CD59: variants seen among roughly 807,000 people sequenced by gnomAD.
The protein encoded by CD59 is CD59 glycoprotein.
Under a neutral mutation model 7.0 loss-of-function variants are expected in CD59, and 3 were observed. The ratio of observed to expected loss-of-function variants is 0.43; its 90% CI spans 0.19 to 1.10. The LOEUF (loss-of-function observed/expected upper bound fraction) is 1.10, where lower values mean the gene tolerates loss of function less well. Among genes scored for constraint, CD59 ranks in the 50% least tolerant of loss-of-function variants. The pLI is 0.29. For synonymous variants in CD59, 60 were observed against 62.0 expected (o/e 0.97, Z 0.15); for missense variants, 143 against 151.0 (o/e 0.95, Z 0.28).
chr11:33,717,574 T>TA (rs1853857413), intron 2 of CD59, 103 bp from the exon 3 acceptor site: 2 of 734,744 alleles, frequency 2.7e-6, no homozygotes, highest in Non-Finnish European at 5.0e-6. Context: ...CAACTTGTGG[T>TA]ATACTTCCAC....
intron 1 of CD59, chr11:33,723,052 A>G (rs367612073): frequency 1.3e-6 from 1 of 747,722 alleles, no homozygotes; most frequent in Non-Finnish European, 1.6e-6. Flanking sequence ...TGATAGCATC[A>G]GGTGAGAAGA....
chr11:33,728,908 T>A (rs1854334065), intron 1 of CD59, among the ~76,000 whole-genome samples: 1 of 152,178 alleles, frequency 6.6e-6, no homozygotes, highest in Non-Finnish European at 1.5e-5. Context: ...AACAAACTTA[T>A]GAAAAAATGC....
At chr11:33,730,998 C>T (rs950271275) in intron 1 of CD59, among the ~76,000 whole-genome samples, 3 of 152,120 alleles carry the variant, frequency 2.0e-5, no homozygotes, top group Non-Finnish European at 4.4e-5. Context: ...CTCTTCCTTA[C>T]GATTTTCTAA....
At chr11:33,719,042 A>C (rs1047960943) in intron 2 of CD59, 3 of 152,258 alleles carry the variant, frequency 2.0e-5, no homozygotes, top group African/African-American at 7.2e-5. Context: ...AAAATCTCAC[A>C]AAAGAATGTC....
In CD59 at chr11:33,704,723, G is replaced by C. The variant is rs1853240564; in HGVS notation, c.*5403C>G. The C allele has an allele frequency of 6.6e-6, 1 of 152,450 alleles. No homozygotes were observed. The highest frequency in any genetic ancestry group is 2.1e-4 in the South Asian group (1 of 4,816). 9.4% of individuals were successfully genotyped at this position (152,450 alleles called of 1,614,324 possible). On this transcript the variant is annotated 3_prime_UTR_variant, in exon 4 of 4. Coordinates refer to ENST00000642928, the MANE Select transcript of CD59 (RefSeq NM_000611.6). Reference sequence around the variant, plus strand: ...ATTTCAAATAGACAGGCCAGCTCTAGAGGCCAGGGTGTTTGGACAGCCTCC... The same window carrying C: ...ATTTCAAATAGACAGGCCAGCTCTACAGGCCAGGGTGTTTGGACAGCCTCC...
intron 3 of CD59, among the ~76,000 whole-genome samples, chr11:33,717,111 G>A (rs1421625265): frequency 6.6e-6 from 1 of 152,142 alleles, no homozygotes; most frequent in Non-Finnish European, 1.5e-5. Context: ...TTCCTGAGTC[G>A]GTTACTTAAC....
intron 2 of CD59, among the ~76,000 whole-genome samples, chr11:33,721,861 CA>C (rs2133557043): frequency 6.6e-6 from 1 of 152,346 alleles, no homozygotes; most frequent in East Asian, 1.9e-4. Context: ...CCAACTCCAT[CA>C]GGTTGGCATG....
In CD59 at chr11:33,710,279, GCGGGTTGTGACGT is replaced by G; in HGVS notation, c.221_233del (p.Asp74AlafsTer2). ...AGTACGTTAGCTCATTTTCCCTCAA[GCGGGTTGTGACGT>G]CGTTGAAATTGCAATGCTCAAACTT... On this transcript the variant is annotated frameshift_variant, in exon 4 of 4. Transcript: ENST00000642928. LOFTEE classifies it low-confidence loss of function (END_TRUNC). 1.9e-6 allele frequency: 3 copies of G among 1,614,182 alleles called. No individual in the cohort carries two copies. The highest frequency in any genetic ancestry group is 1.6e-4 in the Middle Eastern group (1 of 6,062).
intron 2 of CD59, among the ~76,000 whole-genome samples, chr11:33,722,018 T>C (rs2133557490): frequency 6.6e-6 from 1 of 152,218 alleles, no homozygotes; most frequent in African/African-American, 2.4e-5. Context: ...AGGACTGAGC[T>C]CAGATGGCTC....
At chr11:33,735,299 T>G (rs1474268501) in intron 1 of CD59, among the ~76,000 whole-genome samples, 1 of 152,218 alleles carries the variant, frequency 6.6e-6, no homozygotes, top group African/African-American at 2.4e-5. Flanking sequence ...TCAACCACCC[T>G]GTGAAGTGAA....
chr11:33,711,354 A>G, intron 3 of CD59: 3 of 699,544 alleles, frequency 4.3e-6, no homozygotes, highest in East Asian at 2.7e-5. Context: ...TATAGAAAAC[A>G]TTCTTAAACT....
In CD59 at chr11:33,706,898, C is replaced by G. The variant is rs1853333399; in HGVS notation, c.*3228G>C. On this transcript the variant is annotated 3_prime_UTR_variant, in exon 4 of 4. Transcript: ENST00000642928. ...ATTCTAGACTTTCCAAAGCTAGGCA[C>G]ATATTAAAGAGAGTATACAAAATAG... 6.6e-6 allele frequency: 1 copy of G among 152,170 alleles called. No homozygotes were observed. The highest frequency in any genetic ancestry group is 2.4e-5 in the African/African-American group (1 of 41,418). 9.4% of individuals were successfully genotyped at this position (152,170 alleles called of 1,614,324 possible). A position where few individuals can be genotyped will look rare whatever the true frequency, so the allele number is the denominator to read the frequency against.
rs1337138106 is a variant in CD59, at chr11:33,709,950, A to ATGTT, written c.*175_*176insAACA. Reference sequence around the variant, plus strand: ...CTTCAAGTGGGGCTTCCCTGCAAACAGGACTGGTCTTCAAAGTCTCCCAGA... The same window carrying ATGTT: ...CTTCAAGTGGGGCTTCCCTGCAAACATGTTGGACTGGTCTTCAAAGTCTCCCAGA... On this transcript the variant is annotated 3_prime_UTR_variant, in exon 4 of 4. Coordinates refer to ENST00000642928, the MANE Select transcript of CD59 (RefSeq NM_000611.6). The ATGTT allele has an allele frequency of 3.0e-6, 2 of 661,206 alleles. No homozygotes were observed. The highest frequency in any genetic ancestry group is 3.6e-5 in the African/African-American group (2 of 55,424). 41.0% of individuals were successfully genotyped at this position (661,206 alleles called of 1,614,324 possible).
At chr11:33,727,561 A>G (rs1854296250) in intron 1 of CD59, among the ~76,000 whole-genome samples, 1 of 152,224 alleles carries the variant, frequency 6.6e-6, no homozygotes, top group Admixed American at 6.5e-5. Flanking sequence ...CCCACAGCCA[A>G]TATCATACTG....
chr11:33,721,408 T>C (rs1254631488), intron 2 of CD59, among the ~76,000 whole-genome samples: 9 of 152,226 alleles, frequency 5.9e-5, no homozygotes, highest in Non-Finnish European at 1.3e-4. Flanking sequence ...ACAGTGAATA[T>C]ATGGTTGCTG....
chr11:33,716,197 A>G (rs1853782687), intron 3 of CD59, among the ~76,000 whole-genome samples: 1 of 152,248 alleles, frequency 6.6e-6, no homozygotes, highest in Admixed American at 6.5e-5. Flanking sequence ...TATCAAATTT[A>G]TCAAATCCAG....
At position 33,709,979 on chromosome 11, in the gene CD59, C is replaced by T; in HGVS notation, c.*147G>A. ...CTGGTCTTCAAAGTCTCCCAGAGCC[C>T]CTCTATCTTAGCCAGGTTGCTCAAG... is the stretch of plus-strand genomic sequence containing the variant. On this transcript the variant is annotated 3_prime_UTR_variant, in exon 4 of 4. Coordinates refer to ENST00000642928, the MANE Select transcript of CD59 (RefSeq NM_000611.6). 1 of 722,472 alleles carries T rather than the reference C, an allele frequency of 1.4e-6. No individual in the cohort carries two copies. The highest frequency in any genetic ancestry group is 2.5e-6 in the Non-Finnish European group (1 of 406,762). 44.8% of individuals were successfully genotyped at this position (722,472 alleles called of 1,614,324 possible).
rs1238609664 is a variant in CD59 at position 33,709,373 on chromosome 11, CTG to C, written c.*751_*752del. ...AGTCACATGTAGTAGAGTGTTCACT[CTG>C]TAACTGTGTGTGGCAAAGCCAAGAT... On this transcript the variant is annotated 3_prime_UTR_variant, in exon 4 of 4. Transcript: ENST00000642928. 2 of 155,652 alleles carry C rather than the reference CTG, an allele frequency of 1.3e-5. No individual in the cohort carries two copies. Among genetic ancestry groups the C allele is most frequent in the Non-Finnish European group, 2.8e-5 (2 of 70,240 alleles). The allele number at this position is 155,652 out of a possible 1,614,324, so 9.6% of individuals were successfully genotyped here.
intron 1 of CD59, among the ~76,000 whole-genome samples, chr11:33,727,804 T>C (rs1854302082): frequency 1.3e-5 from 2 of 152,218 alleles, no homozygotes; most frequent in Non-Finnish European, 1.5e-5. Flanking sequence ...CTTCAGCTGA[T>C]AAGCAACTTC....
Sources: allele counts gnomAD v4.1 joint callset (sites outside exome capture counted in the v4.1 genomes callset), GRCh38; gene constraint gnomAD v4.1.1; transcripts MANE v1.5; gene names NCBI Gene and HGNC (gene_info 2026-07-23, HGNC 2026-07-21).